The following C6orf89 variants were observed in gnomAD, a reference collection of about 807,000 sequenced individuals.
C6orf89 encodes chromosome 6 open reading frame 89, also known as bombesin receptor-activated protein C6orf89.
In C6orf89, 29 loss-of-function variants were observed where a neutral mutation model predicts 40.7. The observed-to-expected ratio is 0.71, with a 90% CI of 0.53 to 0.97. The LOEUF is 0.97. C6orf89 is among the 50% of genes least tolerant of loss of function. The probability of loss-of-function intolerance (pLI) is 0.00; values close to 1 mark genes in which losing one functional copy is unlikely to be tolerated. For missense variants in C6orf89, 392 were observed against 429.1 expected (o/e 0.91, Z 0.76); for synonymous variants, 165 against 152.2 (o/e 1.08, Z -0.62).
intron 1 of C6orf89, among the ~76,000 whole-genome samples, chr6:36,872,611 CA>C (rs1166665397): frequency 6.7e-6 from 1 of 149,734 alleles, no homozygotes; most frequent in African/African-American, 2.4e-5. Context: ...AAGGATGTGA[CA>C]ATTTTTTTTT....
At chr6:36,900,499 A>G (rs10947640) in intron 3 of C6orf89, among the ~76,000 whole-genome samples, 39,835 of 148,494 alleles carry the variant, frequency 0.27, 5,666 homozygotes, top group African/African-American at 0.37. Flanking sequence ...ATCGCACCTG[A>G]ACAGATTTTT....
At chr6:36,873,726 A>C (rs1248312606) in intron 1 of C6orf89, among the ~76,000 whole-genome samples, 1 of 152,332 alleles carries the variant, frequency 6.6e-6, no homozygotes, top group East Asian at 1.9e-4. Context: ...AGCATGAGCA[A>C]ATAGAGAGAG....
intron 3 of C6orf89, among the ~76,000 whole-genome samples, chr6:36,900,292 C>A (rs1426230557): frequency 6.6e-6 from 1 of 151,354 alleles, no homozygotes; most frequent in Non-Finnish European, 1.5e-5. Context: ...ACCTCCGCCT[C>A]CCAGGTTCAA....
Position 36,916,489 on chromosome 6 carries a change from C to T in C6orf89, c.740C>T (p.Pro247Leu). Residue 247 changes from proline to leucine, a missense_variant, in exon 7 of 9, where the codon CCT (proline) becomes CTT (leucine). Transcript: ENST00000480824. ...TCACAAATGTTACGTGAGCTTTTTC[C>T]TGTTTTCACTCACCTGCCATTTCCA... Reference protein sequence around the residue: ...NRSQMLRELFPVFTHLPFPKD... With the variant: ...NRSQMLRELFLVFTHLPFPKD... 2 of 1,614,196 alleles carry T rather than the reference C, an allele frequency of 1.2e-6. No individual in the cohort carries two copies. The highest frequency in any genetic ancestry group is 1.7e-6 in the Non-Finnish European group (2 of 1,180,032).
intron 7 of C6orf89, among the ~76,000 whole-genome samples, chr6:36,917,880 C>T (rs1366518232): frequency 1.3e-5 from 2 of 152,200 alleles, no homozygotes; most frequent in Non-Finnish European, 2.9e-5. Context: ...ACCAAGGAGC[C>T]CAGCCAAAGG....
chr6:36,902,226 C>G lies in C6orf89; in HGVS notation c.195C>G (p.Leu65=), dbSNP rs371442209. ...TTTTCTATCTTTCCTTGTAGGTTCT[C>G]GCAACCTTGGGATTAATCTTGCTCA... is the stretch of plus-strand genomic sequence containing the variant. The part of the protein sequence containing the change: ...YPLLIVVYKV[L]ATLGLILLTA... The change falls in exon 4 of 9, where the codon CTC becomes CTG. Residue 65 remains leucine (L), a synonymous_variant. Coordinates refer to ENST00000480824, the MANE Select transcript of C6orf89 (RefSeq NM_001286635.2). 8 of 1,613,776 alleles carry G rather than the reference C, an allele frequency of 5.0e-6. No homozygotes were observed. In the East Asian group the frequency reaches 6.7e-5, roughly 13 times the overall value.
At chr6:36,913,402 T>C (rs1762195138) in intron 4 of C6orf89, among the ~76,000 whole-genome samples, 1 of 152,240 alleles carries the variant, frequency 6.6e-6, no homozygotes, top group Admixed American at 6.5e-5. Flanking sequence ...AGAAAAGTCC[T>C]GTCTACCCTC....
chr6:36,915,976 T>C (rs1762300805), intron 6 of C6orf89, among the ~76,000 whole-genome samples: 1 of 152,174 alleles, frequency 6.6e-6, no homozygotes, highest in Non-Finnish European at 1.5e-5. Context: ...GCTTCTATCT[T>C]TCTTTAAATG....
chr6:36,904,155 A>G (rs6931297), intron 4 of C6orf89, among the ~76,000 whole-genome samples: 6,176 of 152,234 alleles, frequency 0.041, 395 homozygotes, highest in African/African-American at 0.14. Flanking sequence ...TGATGGCATT[A>G]TCTTCTTCCC....
intron 4 of C6orf89, among the ~76,000 whole-genome samples, chr6:36,911,237 C>T (rs1021174690): frequency 6.6e-6 from 1 of 152,148 alleles, no homozygotes; most frequent in Non-Finnish European, 1.5e-5. Context: ...CGCCTGTAAT[C>T]CCAGCACTTT....
upstream of C6orf89, among the ~76,000 whole-genome samples, chr6:36,883,794 T>G (rs987741417): frequency 6.6e-6 from 1 of 152,222 alleles, no homozygotes; most frequent in African/African-American, 2.4e-5. Context: ...TAATTTGAAA[T>G]GTCTCCCTCA....
chr6:36,876,962 C>T (rs1157083565), intron 1 of C6orf89, among the ~76,000 whole-genome samples: 1 of 152,194 alleles, frequency 6.6e-6, no homozygotes, highest in Non-Finnish European at 1.5e-5. Flanking sequence ...CCATTCCTTC[C>T]TCCCAAAGGG....
intron 8 of C6orf89, among the ~76,000 whole-genome samples, chr6:36,921,346 T>C (rs1762502844): frequency 6.6e-6 from 1 of 152,152 alleles, no homozygotes; most frequent in Non-Finnish European, 1.5e-5. Flanking sequence ...GAAGAATCAT[T>C]CAGTGTTACA....
chr6:36,898,263 T>TTTTTC (rs1223161572), intron 2 of C6orf89, among the ~76,000 whole-genome samples: 1 of 144,850 alleles, frequency 6.9e-6, no homozygotes, highest in African/African-American at 2.6e-5. Context: ...TTAAAATTTG[T>TTTTTC]TTTTCTTTTC....
chr6:36,918,052 G>A (rs1422207436), intron 7 of C6orf89, among the ~76,000 whole-genome samples: 3 of 152,206 alleles, frequency 2.0e-5, no homozygotes, highest in Non-Finnish European at 2.9e-5. Context: ...CCGCAGCCTT[G>A]TTACCCCACC....
chr6:36,895,540 G>T (rs1761391751), intron 2 of C6orf89, among the ~76,000 whole-genome samples: 1 of 151,938 alleles, frequency 6.6e-6, no homozygotes, highest in Non-Finnish European at 1.5e-5. Flanking sequence ...TGTTAAAAAG[G>T]TATTAAGAAA....
At chr6:36,914,989 CA>C (rs542457630) in intron 6 of C6orf89, among the ~76,000 whole-genome samples, 71 of 151,918 alleles carry the variant, frequency 4.7e-4, no homozygotes, top group African/African-American at 1.6e-3. Flanking sequence ...GACTGTGTCT[CA>C]AAAAAATGGG....
Position 36,886,013 on chromosome 6 carries a change from G to GA in C6orf89, c.-135_-134insA, listed in dbSNP as rs1439046322. On this transcript the variant is annotated 5_prime_UTR_variant, in exon 1 of 9. Coordinates refer to ENST00000480824, the MANE Select transcript of C6orf89 (RefSeq NM_001286635.2). ...TCCCCGAGGCGGGAGGAGCCCGAGG[G>GA]GCGCGAGCCCCGCATGTGAGTGACT... 3 of 1,257,496 alleles carry GA rather than the reference G, an allele frequency of 2.4e-6. No homozygotes were observed. Among genetic ancestry groups the GA allele is most frequent in the East Asian group, 6.3e-5 (2 of 31,746 alleles). 77.9% of individuals were successfully genotyped at this position (1,257,496 alleles called of 1,614,324 possible).
upstream of C6orf89, among the ~76,000 whole-genome samples, chr6:36,884,698 G>C (rs981178516): frequency 6.6e-6 from 1 of 152,094 alleles, no homozygotes; most frequent in African/African-American, 2.4e-5. This position sits in a 1 kb window ranked among gnomAD's most constrained non-coding sequence, Gnocchi z 4.0. Context: ...CCAAAAGTGA[G>C]GAATTTTTTT....
Sources: allele counts gnomAD v4.1 joint callset (sites outside exome capture counted in the v4.1 genomes callset), GRCh38; gene constraint gnomAD v4.1.1; non-coding constraint Gnocchi (gnomAD v3.1); transcripts MANE v1.5; gene names NCBI Gene and HGNC (gene_info 2026-07-23, HGNC 2026-07-21).